Variants in DOK6 observed in about 807,000 individuals in gnomAD.
DOK6 encodes the protein docking protein 6, also known as downstream of tyrosine kinase 6.
A neutral mutation model predicts 44.0 loss-of-function variants in DOK6; 22 were observed. The ratio of observed to expected loss-of-function variants is 0.50; its 90% confidence interval spans 0.36 to 0.71. The LOEUF (loss-of-function observed/expected upper bound fraction) is 0.71. Among genes scored for constraint, DOK6 ranks in the 30% least tolerant of loss-of-function variants. The pLI is 0.00. For synonymous variants in DOK6, 166 were observed against 145.5 expected, an observed-to-expected ratio of 1.14 and a Z score of -1.01; for missense variants, 340 against 416.4, an observed-to-expected ratio of 0.82 and a Z score of 1.60.
intron 1 of DOK6, among the ~76,000 whole-genome samples, chr18:69,447,523 G>C (rs1979330574): frequency 6.6e-6 from 1 of 152,194 alleles, no homozygotes; most frequent in African/African-American, 2.4e-5. Context: ...GCTTAGGATT[G>C]TCTTGGCAGT....
intron 2 of DOK6, among the ~76,000 whole-genome samples, chr18:69,574,802 A>C (rs1329669114): frequency 6.6e-6 from 1 of 152,100 alleles, no homozygotes; most frequent in Non-Finnish European, 1.5e-5. Flanking sequence ...ATTTCAGAAA[A>C]AAATCCATTT....
chr18:69,435,231 A>G (rs1327630886), intron 1 of DOK6, among the ~76,000 whole-genome samples: 1 of 152,190 alleles, frequency 6.6e-6, no homozygotes, highest in African/African-American at 2.4e-5. Context: ...CCAATGAAAT[A>G]GTATTTGCAC....
At position 69,474,728 on chromosome 18, in the gene DOK6, T is replaced by C. The variant is rs539853354; in HGVS notation, c.66+73418T>C. On this transcript the variant is annotated intron_variant, in intron 1 of 7. Coordinates refer to ENST00000382713, the MANE Select transcript of DOK6 (RefSeq NM_152721.6). Reference sequence around the variant, plus strand: ...AGGATAACTAAAATAGTTCAAAAGGTTTCCCAGTGCAAAATTTAACAATCA... The same window carrying C: ...AGGATAACTAAAATAGTTCAAAAGGCTTCCCAGTGCAAAATTTAACAATCA... Among the ~76,000 whole-genome samples, 104 of 152,318 alleles carry C rather than the reference T, an allele frequency of 6.8e-4. 1 individual carries two copies. The highest frequency in any genetic ancestry group is 2.3e-3 in the African/African-American group (94 of 41,572).
At chr18:69,751,725 C>T (rs1385360687) in intron 6 of DOK6, among the ~76,000 whole-genome samples, 1 of 152,020 alleles carries the variant, frequency 6.6e-6, no homozygotes, top group Non-Finnish European at 1.5e-5. Context: ...GCACAAATGG[C>T]CGGGTGCAGT....
intron 1 of DOK6, among the ~76,000 whole-genome samples, chr18:69,482,609 G>A (rs1303514265): frequency 6.6e-6 from 1 of 151,882 alleles, no homozygotes; most frequent in African/African-American, 2.4e-5. Context: ...TAGTAAAATT[G>A]GAAATGACAA....
chr18:69,797,060 C>T (rs766355696), intron 7 of DOK6, among the ~76,000 whole-genome samples: 3 of 152,008 alleles, frequency 2.0e-5, no homozygotes, highest in Non-Finnish European at 4.4e-5. Context: ...CGATTATTTC[C>T]AATTACTAAC....
chr18:69,402,306 T>C (rs181784527), intron 1 of DOK6, among the ~76,000 whole-genome samples: 88 of 152,284 alleles, frequency 5.8e-4, no homozygotes, highest in African/African-American at 2.0e-3. Flanking sequence ...TCTACCAAGC[T>C]CCTGCCTCCC....
chr18:69,443,032 T>A (rs1979180085), intron 1 of DOK6, among the ~76,000 whole-genome samples: 1 of 152,180 alleles, frequency 6.6e-6, no homozygotes, highest in Non-Finnish European at 1.5e-5. Flanking sequence ...ATAATGAAGA[T>A]CACTCATTTT....
At chr18:69,716,668 A>G (rs72965569) in intron 5 of DOK6, among the ~76,000 whole-genome samples, 13,006 of 145,834 alleles carry the variant, frequency 0.089, 746 homozygotes, top group Non-Finnish European at 0.13. Context: ...GTTGTTTTGG[A>G]TAACAGATTC....
At chr18:69,738,906 A>G (rs1454026546) in intron 5 of DOK6, 59 bp from the exon 6 acceptor site, 3 of 1,587,010 alleles carry the variant, frequency 1.9e-6, no homozygotes, top group East Asian at 2.2e-5. Context: ...CTACGTGGAA[A>G]ACTGTTATGC....
intron 5 of DOK6, among the ~76,000 whole-genome samples, chr18:69,731,556 A>G (rs1978402733): frequency 6.6e-6 from 1 of 152,230 alleles, no homozygotes; most frequent in Non-Finnish European, 1.5e-5. Context: ...TGCTGAAAGG[A>G]TCTTTCACAT....
At chr18:69,710,702 T>C (rs577462262) in intron 5 of DOK6, among the ~76,000 whole-genome samples, 16 of 152,368 alleles carry the variant, frequency 1.1e-4, no homozygotes, top group African/African-American at 3.1e-4. Flanking sequence ...TTAATATTTC[T>C]AAGTAGATCA....
At chr18:69,535,805 AT>A (rs1423293543) in intron 1 of DOK6, among the ~76,000 whole-genome samples, 1 of 152,134 alleles carries the variant, frequency 6.6e-6, no homozygotes, top group African/African-American at 2.4e-5. Context: ...AAATAAAAAA[AT>A]ATCTACAGAG....
intron 3 of DOK6, among the ~76,000 whole-genome samples, chr18:69,628,008 C>A (rs1006441444): frequency 6.6e-6 from 1 of 152,120 alleles, no homozygotes; most frequent in Non-Finnish European, 1.5e-5. Flanking sequence ...GAATTTTATG[C>A]ATAATGTACA....
chr18:69,732,421 G>T (rs1437910917), intron 5 of DOK6, among the ~76,000 whole-genome samples: 1 of 152,056 alleles, frequency 6.6e-6, no homozygotes, highest in African/African-American at 2.4e-5. Flanking sequence ...CAAGTCTTAT[G>T]ACTTACATCA....
chr18:69,431,586 G>A lies in DOK6; in HGVS notation c.66+30276G>A, dbSNP rs531465962. On this transcript the variant is annotated intron_variant, in intron 1 of 7. Transcript: ENST00000382713. Reference sequence around the variant, plus strand: ...GTGACTCCTGTTAACTTTGCATCGGGCGCTACCTGTCTCATTCCAGCCCAA... The same window carrying A: ...GTGACTCCTGTTAACTTTGCATCGGACGCTACCTGTCTCATTCCAGCCCAA... 2.0e-5 allele frequency among the ~76,000 whole-genome samples: 3 copies of A among 152,204 alleles called. 1 individual carries two copies. In the South Asian group the frequency reaches 6.2e-4, roughly 32 times the overall value.
Position 69,552,405 on chromosome 18 carries a change from G to T in DOK6, c.67-12082G>T, listed in dbSNP as rs146610346. Among the ~76,000 whole-genome samples the T allele has an allele frequency of 3.8e-3, 574 of 151,898 alleles. 4 individuals are homozygous for T. Among genetic ancestry groups the T allele is most frequent in the African/African-American group, 0.013 (553 of 41,468 alleles). ...TATTAAATTTATATTATCTATGTTT[G>T]CTCTATATTTTGTAGTGACAATATC... On this transcript the variant is annotated intron_variant, in intron 1 of 7. Transcript: ENST00000382713.
intron 4 of DOK6, among the ~76,000 whole-genome samples, chr18:69,688,681 C>T (rs1986203364): frequency 6.6e-6 from 1 of 152,176 alleles, no homozygotes; most frequent in African/African-American, 2.4e-5. Flanking sequence ...CCCCATCACA[C>T]CCGGCTATTT....
At chr18:69,437,538 C>T (rs543783520) in intron 1 of DOK6, among the ~76,000 whole-genome samples, 50 of 152,166 alleles carry the variant, frequency 3.3e-4, no homozygotes, top group African/African-American at 1.1e-3. Flanking sequence ...GGTACCAGTA[C>T]CAGTACCAGT....
Sources: gnomAD v4.1 joint callset for allele counts (sites outside exome capture counted in the v4.1 genomes callset) on GRCh38, gnomAD v4.1.1 for gene constraint, MANE v1.5 for transcripts, NCBI Gene and HGNC (gene_info 2026-07-23, HGNC 2026-07-21) for gene names.